Variants in ZRANB3 observed in about 807,000 individuals in gnomAD.
ZRANB3 encodes the protein DNA annealing helicase and endonuclease ZRANB3.
A neutral mutation model predicts 133.8 loss-of-function variants in ZRANB3; 125 were observed. The ratio of observed to expected loss-of-function variants is 0.93; its 90% CI spans 0.81 to 1.08. The LOEUF (loss-of-function observed/expected upper bound fraction) is 1.08. ZRANB3 is among the 50% of genes least tolerant of loss of function. The pLI, the probability that ZRANB3 is intolerant of heterozygous loss-of-function variation, is 0.00. For synonymous variants in ZRANB3, 387 were observed against 432.7 expected, an observed-to-expected ratio of 0.89 and a Z score of 1.31; for missense variants, 1,229 against 1,275.5, an observed-to-expected ratio of 0.96 and a Z score of 0.56.
intron 3 of ZRANB3, among the ~76,000 whole-genome samples, chr2:135,366,766 C>G (rs1685957338): frequency 6.6e-6 from 1 of 152,018 alleles, no homozygotes; most frequent in South Asian, 2.1e-4. Context: ...CGCCTGTAAT[C>G]CCAGCACTTT....
intron 1 of ZRANB3, among the ~76,000 whole-genome samples, chr2:135,529,226 A>T (rs971192820): frequency 4.6e-5 from 7 of 152,246 alleles, no homozygotes; most frequent in African/African-American, 1.2e-4. Context: ...TAAAGCAAAG[A>T]GTTTAAGAAT....
chr2:135,396,638 G>T (rs1558968791), intron 2 of ZRANB3, among the ~76,000 whole-genome samples: 2 of 152,082 alleles, frequency 1.3e-5, no homozygotes, highest in East Asian at 3.9e-4. Flanking sequence ...TGGAGATAGA[G>T]AATAGAATGA....
At chr2:135,414,715 C>T (rs909740691) in intron 2 of ZRANB3, among the ~76,000 whole-genome samples, 1 of 152,124 alleles carries the variant, frequency 6.6e-6, no homozygotes, top group African/African-American at 2.4e-5. Context: ...TAAAGCTCTC[C>T]TCAGCAAATG....
At chr2:135,466,970 G>C (rs1691028655) in intron 2 of ZRANB3, among the ~76,000 whole-genome samples, 2 of 152,028 alleles carry the variant, frequency 1.3e-5, no homozygotes, top group Admixed American at 1.3e-4. Context: ...TATGATTTGT[G>C]ATCTGAAAAG....
chr2:135,389,629 C>T (rs1002828089), intron 3 of ZRANB3, among the ~76,000 whole-genome samples: 45 of 151,778 alleles, frequency 3.0e-4, no homozygotes, highest in African/African-American at 9.9e-4. Flanking sequence ...TGCTTGAATC[C>T]GGGAGGCAGA....
intron 2 of ZRANB3, among the ~76,000 whole-genome samples, chr2:135,469,996 A>G (rs2105026100): frequency 6.8e-6 from 1 of 146,304 alleles, no homozygotes; most frequent in East Asian, 2.0e-4. Context: ...TGGGTGACAG[A>G]GCGAGACTCT....
chr2:135,405,819 C>A (rs7604622), intron 2 of ZRANB3, among the ~76,000 whole-genome samples: 1 of 152,118 alleles, frequency 6.6e-6, no homozygotes, highest in African/African-American at 2.4e-5. Context: ...ACATTCAAAG[C>A]AGTGTGTAGA....
intron 12 of ZRANB3, among the ~76,000 whole-genome samples, chr2:135,242,845 T>C (rs1229695925): frequency 6.6e-6 from 1 of 152,216 alleles, no homozygotes; most frequent in Admixed American, 6.5e-5. Flanking sequence ...GCTTGTTGTG[T>C]TCTCTGATTT....
chr2:135,355,195 A>T, intron 3 of ZRANB3: 6 of 982,234 alleles, frequency 6.1e-6, no homozygotes, highest in Non-Finnish European at 7.3e-6. Context: ...CAAAAAAGCA[A>T]TCTTAGAATT....
rs145896471 is a variant in ZRANB3, at chr2:135,308,824, T to C, written c.966+4665A>G. Among the ~76,000 whole-genome samples, 453 of 152,124 alleles carry C rather than the reference T, an allele frequency of 3.0e-3. 2 individuals are homozygous for C. The highest frequency in any genetic ancestry group is 0.01 in the African/African-American group (429 of 41,518). ...AGTAGTGCTAGAACATTAGCTATTT[T>C]CTTCATATCCACCTTTATAATAACC... On this transcript the variant is annotated intron_variant, in intron 8 of 20. Transcript: ENST00000264159.
intron 1 of ZRANB3, among the ~76,000 whole-genome samples, chr2:135,515,653 T>A (rs1014300705): frequency 2.1e-4 from 32 of 152,186 alleles, no homozygotes; most frequent in African/African-American, 7.5e-4. Context: ...GAGAGACTGT[T>A]TGTTATGATT....
rs542334799 is a variant in ZRANB3, at chr2:135,320,079, G to C, written c.678-4549C>G. On this transcript the variant is annotated intron_variant, in intron 6 of 20. Coordinates refer to ENST00000264159, the MANE Select transcript of ZRANB3 (RefSeq NM_032143.4). ...GGTTCTCACTATGTTGCCCAGGCTA[G>C]AATACAGTGGCCATTCACAGGCACA... Among the ~76,000 whole-genome samples, 37 of 152,172 alleles carry C rather than the reference G, an allele frequency of 2.4e-4. 1 individual carries two copies. In the South Asian group the frequency reaches 7.0e-3, roughly 29 times the overall value.
At chr2:135,237,210 T>C (rs1558852788) in intron 12 of ZRANB3, among the ~76,000 whole-genome samples, 1 of 151,510 alleles carries the variant, frequency 6.6e-6, no homozygotes, top group Non-Finnish European at 1.5e-5. Context: ...TCACTGGCCA[T>C]CAGAGAAATG....
chr2:135,365,007 C>T (rs909527594), intron 3 of ZRANB3, among the ~76,000 whole-genome samples: 1 of 151,582 alleles, frequency 6.6e-6, no homozygotes, highest in Non-Finnish European at 1.5e-5. Context: ...AGAGATGGTG[C>T]CACTGCACTC....
At chr2:135,493,771 A>G (rs1181479920) in intron 2 of ZRANB3, among the ~76,000 whole-genome samples, 1 of 152,198 alleles carries the variant, frequency 6.6e-6, no homozygotes, top group African/African-American at 2.4e-5. Context: ...CTCCACCCAA[A>G]GAGCTAACAA....
Position 135,200,076 on chromosome 2 carries a change from G to A in ZRANB3, c.*266C>T, listed in dbSNP as rs758599362. On this transcript the variant is annotated 3_prime_UTR_variant, in exon 21 of 21. Coordinates refer to ENST00000264159, the MANE Select transcript of ZRANB3 (RefSeq NM_032143.4). ...AGTGATTAGGCATATTAGGGGTAAA[G>A]AGCTTTACAAAACATTGCTGAAACA... 8 of 505,754 alleles carry A rather than the reference G, an allele frequency of 1.6e-5. No individual in the cohort carries two copies. The highest frequency in any genetic ancestry group is 5.8e-4 in the Middle Eastern group (2 of 3,432). The allele number at this position is 505,754 out of a possible 1,614,324, so 31.3% of individuals were successfully genotyped here. A position where few individuals can be genotyped will look rare whatever the true frequency, so the allele number is the denominator to read the frequency against.
At chr2:135,495,466 C>G (rs1473848226) in intron 2 of ZRANB3, among the ~76,000 whole-genome samples, 1 of 151,984 alleles carries the variant, frequency 6.6e-6, no homozygotes, top group Non-Finnish European at 1.5e-5. Context: ...TGTATGCAAC[C>G]TACTCTCAAA....
At position 135,222,239 on chromosome 2, in the gene ZRANB3, C is replaced by G. The variant is rs566540207; in HGVS notation, c.2250+2187G>C. The stretch of plus-strand genomic sequence containing the variant: ...ACAACACAGTGGAACCCTGTCTCTA[C>G]TAAAAATAGAAAAATTAGCTAGGTG... On this transcript the variant is annotated intron_variant, in intron 15 of 20. Coordinates refer to ENST00000264159, the MANE Select transcript of ZRANB3 (RefSeq NM_032143.4). 4.6e-5 allele frequency among the ~76,000 whole-genome samples: 7 copies of G among 151,850 alleles called. No individual in the cohort carries two copies. In the South Asian group the frequency reaches 1.5e-3, roughly 32 times the overall value.
chr2:135,212,136 T>C lies in ZRANB3; in HGVS notation c.2496-3158A>G, dbSNP rs181177059. 3.3e-5 allele frequency among the ~76,000 whole-genome samples: 5 copies of C among 152,364 alleles called. No individual in the cohort carries two copies. In the East Asian group the frequency reaches 9.6e-4, roughly 29 times the overall value. ...AATATCTTTTCACATGTTTGCACTC[T>C]ACTTGCATGTCTTTCTTAGAGCAAA... On this transcript the variant is annotated intron_variant, in intron 17 of 20. Transcript: ENST00000264159.
Sources: gnomAD v4.1 joint callset for allele counts (sites outside exome capture counted in the v4.1 genomes callset) on GRCh38, gnomAD v4.1.1 for gene constraint, MANE v1.5 for transcripts, NCBI Gene and HGNC (gene_info 2026-07-23, HGNC 2026-07-21) for gene names.